ZBTB40: variants seen among roughly 807,000 people sequenced by gnomAD.
ZBTB40 encodes zinc finger and BTB domain-containing protein 40.
ZBTB40 carries 60 observed loss-of-function variants against 117.5 expected under a neutral mutation model. The ratio of observed to expected loss-of-function variants is 0.51; its 90% CI spans 0.41 to 0.63. The LOEUF (loss-of-function observed/expected upper bound fraction) is 0.63, where lower values mean the gene tolerates loss of function less well. ZBTB40 is among the 30% of genes least tolerant of loss of function. The probability of loss-of-function intolerance (pLI) is 0.00; values close to 1 mark genes in which losing one functional copy is unlikely to be tolerated. For missense variants in ZBTB40, 1,287 were observed against 1,498.5 expected (o/e 0.86, Z 2.33); for synonymous variants, 525 against 577.1 (o/e 0.91, Z 1.29).
At chr1:22,492,254 G>C (rs558511447) in intron 3 of ZBTB40, among the ~76,000 whole-genome samples, 7 of 152,182 alleles carry the variant, frequency 4.6e-5, no homozygotes, top group Non-Finnish European at 1.0e-4. Context: ...TCCCAACAGG[G>C]TAAAAGTGAT....
At chr1:22,436,190 CAT>C (rs55752176) in intron 1 of ZBTB40, among the ~76,000 whole-genome samples, 12,079 of 152,196 alleles carry the variant, frequency 0.079, 614 homozygotes, top group South Asian at 0.13. Flanking sequence ...GAAATGAAAA[CAT>C]ATGTTCACAC....
intron 1 of ZBTB40, among the ~76,000 whole-genome samples, chr1:22,429,378 C>T (rs1640547152): frequency 6.7e-6 from 1 of 149,850 alleles, no homozygotes; most frequent in Non-Finnish European, 1.5e-5. Context: ...AAGACTCCGC[C>T]TCAAAAAAAA....
chr1:22,480,929 ATGCAAGGGTCTCAG>A (rs1638290419), intron 1 of ZBTB40, among the ~76,000 whole-genome samples: 1 of 152,178 alleles, frequency 6.6e-6, no homozygotes, highest in Non-Finnish European at 1.5e-5. Flanking sequence ...TCTGGGCTTT[ATGCAAGGGTCTCAG>A]TGCTAACTCC....
chr1:22,468,514 T>C (rs1641318378), intron 1 of ZBTB40, among the ~76,000 whole-genome samples: 1 of 139,608 alleles, frequency 7.2e-6, no homozygotes, highest in Admixed American at 7.5e-5. Context: ...GTCGCTCTGT[T>C]GCGTATGCTG....
chr1:22,483,985 A>G (rs1201280825), intron 1 of ZBTB40, among the ~76,000 whole-genome samples: 1 of 152,210 alleles, frequency 6.6e-6, no homozygotes, highest in Non-Finnish European at 1.5e-5. Context: ...AGTTGGTTCC[A>G]GCATCACTTG....
rs750858947 is a variant in ZBTB40, at chr1:22,501,565, A to C, written c.905A>C (p.Glu302Ala). ...FQRILGKVRE[E>A]SLDVQTVVSL... ...AGAATCCTGGGTAAAGTAAGAGAGGAAAGCCTGGATGTTCAAACTGTTGTG... is the reference window on the plus strand; with the variant it reads ...AGAATCCTGGGTAAAGTAAGAGAGGCAAGCCTGGATGTTCAAACTGTTGTG... The change falls in exon 4 of 18, where the codon GAA (glutamate) becomes GCA (alanine). Residue 302 changes from glutamate (E) to alanine (A), a missense_variant. Physicochemically the swap from Glu to Ala is moderately radical, Grantham distance 107. Transcript: ENST00000375647. 5 of 1,614,036 alleles carry C rather than the reference A, an allele frequency of 3.1e-6. No individual in the cohort carries two copies. The highest frequency in any genetic ancestry group is 3.4e-6 in the Non-Finnish European group (4 of 1,180,014).
At chr1:22,508,447 A>C in intron 7 of ZBTB40, 83 bp from the exon 8 acceptor site, 1 of 1,514,858 alleles carries the variant, frequency 6.6e-7, no homozygotes, top group Non-Finnish European at 9.2e-7. Context: ...ATTCACTGTA[A>C]CCCAATATCT....
chr1:22,478,271 G>A (rs1231185866), intron 1 of ZBTB40, among the ~76,000 whole-genome samples: 2 of 151,596 alleles, frequency 1.3e-5, no homozygotes, highest in East Asian at 1.9e-4. Flanking sequence ...TTTTTGAGAC[G>A]GAGTCTCGCT....
chr1:22,459,394 GAGGAA>G (rs1641080765), intron 1 of ZBTB40, among the ~76,000 whole-genome samples: 1 of 152,208 alleles, frequency 6.6e-6, no homozygotes, highest in Non-Finnish European at 1.5e-5. Flanking sequence ...TATTTGGTTT[GAGGAA>G]GGATCTGATT....
In ZBTB40 at chr1:22,526,405, T is replaced by C; in HGVS notation, c.*9T>C. ...GTGGTGAGGCCAAATGAGCAGCCTT[T>C]CATCCGGCAGAGCCTTCCTGCGTTT... On this transcript the variant is annotated 3_prime_UTR_variant, in exon 18 of 18. Coordinates refer to ENST00000375647, the MANE Select transcript of ZBTB40 (RefSeq NM_014870.4). 1 of 1,613,888 alleles carries C rather than the reference T, an allele frequency of 6.2e-7. No homozygotes were observed.
chr1:22,522,335 A>T, intron 15 of ZBTB40, 42 bp from the exon 16 acceptor site: 1 of 1,604,560 alleles, frequency 6.2e-7, no homozygotes, highest in Non-Finnish European at 8.5e-7. Flanking sequence ...AGAGCCAACC[A>T]TTTGTTCTTT....
chr1:22,468,471 T>A (rs1330541855), intron 1 of ZBTB40, among the ~76,000 whole-genome samples: 4 of 116,806 alleles, frequency 3.4e-5, no homozygotes, highest in Non-Finnish European at 7.1e-5. Flanking sequence ...TTTCCTTTTT[T>A]TTTTTTTTTT....
At chr1:22,449,979 C>T (rs913239221), upstream of ZBTB40, among the ~76,000 whole-genome samples, 1 of 150,874 alleles carries the variant, frequency 6.6e-6, no homozygotes. Flanking sequence ...GTCTCGCTCT[C>T]GTTGCCCAGG....
intron 1 of ZBTB40, among the ~76,000 whole-genome samples, chr1:22,482,890 AAC>A (rs1291571896): frequency 2.6e-5 from 4 of 152,082 alleles, no homozygotes; most frequent in Admixed American, 2.6e-4. Context: ...CATCCTGGCT[AAC>A]ACAGTGAAAC....
At chr1:22,448,979 A>AT (rs1379701056), upstream of ZBTB40, among the ~76,000 whole-genome samples, 4 of 151,464 alleles carry the variant, frequency 2.6e-5, no homozygotes, top group Admixed American at 1.3e-4. Context: ...TGCCCAACTA[A>AT]TTTTTTTTGT....
At chr1:22,456,622 G>A (rs1390288790) in intron 1 of ZBTB40, among the ~76,000 whole-genome samples, 1 of 152,164 alleles carries the variant, frequency 6.6e-6, no homozygotes, top group African/African-American at 2.4e-5. Flanking sequence ...GGCGCGATGA[G>A]AATCTCCCCT....
intron 1 of ZBTB40, among the ~76,000 whole-genome samples, chr1:22,468,460 GTTTCCTTTTTTTTTTTTTT>G (rs957153661): frequency 4.5e-5 from 4 of 88,790 alleles, no homozygotes; most frequent in African/African-American, 1.6e-4. Context: ...AAATGTTAAT[GTTTCCTTTTTTTTTTTTTT>G]TTTTTTTTTT....
intron 13 of ZBTB40, 140 bp from the exon 14 acceptor site, chr1:22,519,921 G>C (rs1639474060): frequency 1.2e-6 from 1 of 820,236 alleles, no homozygotes; most frequent in Admixed American, 1.7e-5. Context: ...GATCCTTGGA[G>C]TCTATGACCC....
chr1:22,510,488 C>T (rs966298337), intron 9 of ZBTB40, among the ~76,000 whole-genome samples: 3 of 152,200 alleles, frequency 2.0e-5, no homozygotes, highest in African/African-American at 7.2e-5. Flanking sequence ...TTGAAAAGAG[C>T]AGAAATAAAA....
Sources: gnomAD v4.1 joint callset for allele counts (sites outside exome capture counted in the v4.1 genomes callset) on GRCh38, gnomAD v4.1.1 for gene constraint, MANE v1.5 for transcripts, NCBI Gene and HGNC (gene_info 2026-07-23, HGNC 2026-07-21) for gene names.